Variants in SGCD observed in about 807,000 individuals in gnomAD.
SGCD encodes delta-sarcoglycan.
In SGCD, 18 loss-of-function variants were observed where a neutral mutation model predicts 36.6. The ratio of observed to expected loss-of-function variants is 0.49; its 90% CI spans 0.34 to 0.73. SGCD has a LOEUF of 0.73. Ranked by LOEUF, SGCD falls within the 30% of genes least tolerant of loss-of-function variation. SGCD has a pLI of 0.01. For synonymous variants in SGCD, 133 were observed against 130.6 expected (o/e 1.02, Z -0.12); for missense variants, 387 against 346.7 (o/e 1.12, Z -0.92).
intron 4 of SGCD, among the ~76,000 whole-genome samples, chr5:156,567,703 C>A (rs976224477): frequency 3.3e-5 from 5 of 152,152 alleles, no homozygotes; most frequent in African/African-American, 1.2e-4. Context: ...TAATTGACAA[C>A]GTGAGCTCAG....
chr5:155,807,525 A>G, the SGCD span, among the ~76,000 whole-genome samples: 1 of 152,252 alleles, frequency 6.6e-6, no homozygotes, highest in Admixed American at 6.5e-5. Context: ...CAAAATGCCA[A>G]CCTGGCAGTG....
At chr5:156,413,818 T>C (rs1216156997) in intron 3 of SGCD, among the ~76,000 whole-genome samples, 1 of 152,160 alleles carries the variant, frequency 6.6e-6, no homozygotes, top group African/African-American at 2.4e-5. Context: ...TTCCTTGGAC[T>C]GAAGCTAGAA....
At chr5:156,334,114 T>A (rs1269365263) in intron 2 of SGCD, among the ~76,000 whole-genome samples, 1 of 152,078 alleles carries the variant, frequency 6.6e-6, no homozygotes, top group Non-Finnish European at 1.5e-5. Flanking sequence ...TTGAGTCATG[T>A]TCATTATTAT....
intron 7 of SGCD, among the ~76,000 whole-genome samples, chr5:156,695,544 GATAGATAGATAGATAGATAGA>G (rs1561862083): frequency 7.0e-6 from 1 of 143,622 alleles, no homozygotes; most frequent in Non-Finnish European, 1.5e-5. Flanking sequence ...TAGATAGATA[GATAGATAGATAGATAGATAGA>G]TAGATATCCT....
chr5:155,877,982 A>C (rs1275300230), intron 1 of SGCD, among the ~76,000 whole-genome samples: 1 of 152,084 alleles, frequency 6.6e-6, no homozygotes, highest in Non-Finnish European at 1.5e-5. Flanking sequence ...TTAAAGTAAA[A>C]TTGCTGAAAG....
At chr5:156,506,160 G>A (rs1446493330) in intron 3 of SGCD, among the ~76,000 whole-genome samples, 1 of 152,014 alleles carries the variant, frequency 6.6e-6, no homozygotes, top group African/African-American at 2.4e-5. Context: ...TAGTGACATT[G>A]GTGTTCTGAA....
chr5:156,296,661 A>G (rs1241912109), intron 3 of SGCD, among the ~76,000 whole-genome samples: 1 of 152,182 alleles, frequency 6.6e-6, no homozygotes, highest in African/African-American at 2.4e-5. Flanking sequence ...GATACTTTGT[A>G]TTATATCCAT....
chr5:155,863,894 A>G, the SGCD span, among the ~76,000 whole-genome samples: 1 of 152,296 alleles, frequency 6.6e-6, no homozygotes, highest in African/African-American at 2.4e-5. Context: ...TAATAGAAAA[A>G]ACAGACAAGG....
At position 156,569,203 on chromosome 5, in the gene SGCD, C is replaced by G. The variant is rs148994652; in HGVS notation, c.295-20028C>G. ...AAAATATTTTTGTACCCACCATGTA[C>G]GAGACACTTGTATGCACTGGGGATG... On this transcript the variant is annotated intron_variant, in intron 4 of 8. Coordinates refer to ENST00000337851, the MANE Select transcript of SGCD (RefSeq NM_000337.6). Among the ~76,000 whole-genome samples, 1,176 of 152,186 alleles carry G rather than the reference C, an allele frequency of 7.7e-3. 10 individuals carry two copies. Among genetic ancestry groups the G allele is most frequent in the Non-Finnish European group, 0.012 (789 of 68,016 alleles).
chr5:155,997,675 C>G (rs967140286), intron 1 of SGCD, among the ~76,000 whole-genome samples: 1 of 152,230 alleles, frequency 6.6e-6, no homozygotes, highest in Non-Finnish European at 1.5e-5. Flanking sequence ...CTGAACATAA[C>G]TAGAGTGCAT....
chr5:156,566,131 C>G (rs1216628425), intron 4 of SGCD, among the ~76,000 whole-genome samples: 1 of 152,076 alleles, frequency 6.6e-6, no homozygotes, highest in East Asian at 1.9e-4. Context: ...AAATGCAAAT[C>G]AAAACCACAA....
chr5:156,207,706 G>A (rs988415290), intron 3 of SGCD, among the ~76,000 whole-genome samples: 10 of 152,072 alleles, frequency 6.6e-5, no homozygotes, highest in African/African-American at 1.9e-4. Flanking sequence ...ATAGAAATTT[G>A]AAAATGGTAA....
chr5:156,208,797 T>C (rs1342112731), intron 3 of SGCD, among the ~76,000 whole-genome samples: 2 of 152,184 alleles, frequency 1.3e-5, no homozygotes, highest in African/African-American at 4.8e-5. Flanking sequence ...CATGGTGGAA[T>C]AGAACTTTCC....
intron 7 of SGCD, among the ~76,000 whole-genome samples, chr5:156,685,208 C>A (rs1003352619): frequency 1.3e-5 from 2 of 151,918 alleles, no homozygotes; most frequent in Non-Finnish European, 2.9e-5. Flanking sequence ...AGGGGAGATG[C>A]GTCGCAGGGT....
intron 3 of SGCD, among the ~76,000 whole-genome samples, chr5:156,146,980 T>TA (rs1285956769): frequency 5.9e-5 from 9 of 152,138 alleles, no homozygotes; most frequent in Non-Finnish European, 1.2e-4. Flanking sequence ...ACTCAGAAAG[T>TA]AAAAACATGA....
intron 1 of SGCD, among the ~76,000 whole-genome samples, chr5:155,953,888 T>A (rs778825212): frequency 2.6e-5 from 4 of 152,220 alleles, no homozygotes; most frequent in Admixed American, 6.5e-5. Context: ...CCTAAAGATC[T>A]CTGCTCATTA....
chr5:156,330,921 T>G (rs1768040840), intron 2 of SGCD, among the ~76,000 whole-genome samples: 1 of 152,190 alleles, frequency 6.6e-6, no homozygotes, highest in African/African-American at 2.4e-5. Flanking sequence ...AATTTCCTAA[T>G]CTCTAAAATG....
the SGCD span, among the ~76,000 whole-genome samples, chr5:155,818,134 G>A: frequency 4.6e-5 from 7 of 152,108 alleles, no homozygotes; most frequent in Admixed American, 2.0e-4. Flanking sequence ...AGGAGATAAG[G>A]TACGTATACA....
intron 3 of SGCD, among the ~76,000 whole-genome samples, chr5:156,348,411 T>C (rs943573786): frequency 6.6e-6 from 1 of 152,158 alleles, no homozygotes; most frequent in African/African-American, 2.4e-5. Context: ...CAGTAAAGTC[T>C]CAGGTTACAA....
Sources: allele counts gnomAD v4.1 joint callset (sites outside exome capture counted in the v4.1 genomes callset), GRCh38; gene constraint gnomAD v4.1.1; transcripts MANE v1.5; gene names NCBI Gene and HGNC (gene_info 2026-07-23, HGNC 2026-07-21).